LYVE1: variants seen among roughly 807,000 people sequenced by gnomAD.
LYVE1 encodes lymphatic vessel endothelial hyaluronan receptor 1, also known as lymphatic vessel endothelial hyaluronic acid receptor 1.
Under a neutral mutation model 31.5 loss-of-function variants are expected in LYVE1, and 29 were observed. The observed-to-expected ratio is 0.92, with a 90% confidence interval of 0.69 to 1.26. The LOEUF is 1.26. LYVE1 is among the 50% of genes most tolerant of loss of function. The pLI is 0.00. For missense variants in LYVE1, 376 were observed against 380.2 expected, an observed-to-expected ratio of 0.99 and a Z score of 0.09; for synonymous variants, 134 against 139.4, an observed-to-expected ratio of 0.96 and a Z score of 0.27.
chr11:10,563,693 GT>G (rs1360278439), intron 3 of LYVE1, among the ~76,000 whole-genome samples: 1 of 152,108 alleles, frequency 6.6e-6, no homozygotes, highest in African/African-American at 2.4e-5. Flanking sequence ...TGCAGGGATG[GT>G]GGCAGTGGTA....
chr11:10,557,476 C>T lies in LYVE1; in HGVS notation c.*1635G>A, dbSNP rs948875058. The T allele has an allele frequency of 2.6e-5, 4 of 152,150 alleles. No homozygotes were observed. The highest frequency in any genetic ancestry group is 7.2e-5 in the African/African-American group (3 of 41,436). 9.4% of individuals were successfully genotyped at this position (152,150 alleles called of 1,614,324 possible). A position where few individuals can be genotyped will look rare whatever the true frequency, so the allele number is the denominator to read the frequency against. Reference sequence around the variant, plus strand: ...GTTGTGGCATCTGGGCCGAAGGAACCACGGAGCTGTGGGGTCACTGGTGAG... The same window carrying T: ...GTTGTGGCATCTGGGCCGAAGGAACTACGGAGCTGTGGGGTCACTGGTGAG... On this transcript the variant is annotated 3_prime_UTR_variant, in exon 6 of 6. Transcript: ENST00000256178.
intron 1 of LYVE1, among the ~76,000 whole-genome samples, chr11:10,564,925 G>C (rs182122687): frequency 6.6e-6 from 1 of 152,290 alleles, no homozygotes; most frequent in African/African-American, 2.4e-5. Context: ...TCCTGGAGGA[G>C]CTGGCAGTAA....
At chr11:10,568,388 A>G in intron 1 of LYVE1, 60 bp downstream of exon 1, 1 of 1,544,314 alleles carries the variant, frequency 6.5e-7, no homozygotes, top group Non-Finnish European at 8.9e-7. Flanking sequence ...CATAGTCAAC[A>G]GCTTAGGAGG....
chr11:10,561,134 A>G (rs1405694854), intron 3 of LYVE1, among the ~76,000 whole-genome samples: 1 of 152,144 alleles, frequency 6.6e-6, no homozygotes, highest in African/African-American at 2.4e-5. Context: ...ATTCACCTTT[A>G]TGACTCTTTG....
intron 3 of LYVE1, among the ~76,000 whole-genome samples, chr11:10,563,134 T>C (rs1040054230): frequency 1.3e-5 from 2 of 151,996 alleles, no homozygotes; most frequent in Non-Finnish European, 2.9e-5. Flanking sequence ...TTTGTATTTT[T>C]AGTAGAGACG....
chr11:10,563,877 A>G, intron 3 of LYVE1, 63 bp downstream of exon 3: 1 of 1,595,112 alleles, frequency 6.3e-7, no homozygotes, highest in East Asian at 2.2e-5. Flanking sequence ...CTCTTCCCAG[A>G]CAGGTCTCAG....
At chr11:10,559,680 T>C (rs1297094706) in intron 5 of LYVE1, 136 bp downstream of exon 5, 5 of 677,220 alleles carry the variant, frequency 7.4e-6, no homozygotes, top group South Asian at 2.0e-5. Flanking sequence ...GGGAAAGAGA[T>C]GAGATGAGGG....
rs147788904 is a variant in LYVE1 at position 10,564,026 on chromosome 11, G to A, written c.311C>T (p.Pro104Leu). 918 of 1,614,152 alleles carry A rather than the reference G, an allele frequency of 5.7e-4. 8 individuals are homozygous for A. The highest frequency in any genetic ancestry group is 1.7e-4 in the Non-Finnish European group (206 of 1,180,030). Residue 104 changes from proline to leucine, a missense_variant, in exon 3 of 6, where the codon CCC becomes CTC. By Grantham distance (98) the Pro-to-Leu change is moderately conservative. Coordinates refer to ENST00000256178, the MANE Select transcript of LYVE1 (RefSeq NM_006691.4). ...ACCCACCCCATTTTTCCCACACTTG[G>A]GGTTTGGGCTAATCCTAGAGATGAC... Reference protein sequence around the residue: ...FVVISRISPNPKCGKNGVGVL... With the variant: ...FVVISRISPNLKCGKNGVGVL...
At chr11:10,562,254 A>G (rs1394500604) in intron 3 of LYVE1, among the ~76,000 whole-genome samples, 1 of 152,220 alleles carries the variant, frequency 6.6e-6, no homozygotes, top group Non-Finnish European at 1.5e-5. Flanking sequence ...GAGGCAGAGA[A>G]GGGAAGGAAG....
At chr11:10,559,463 T>C (rs1225490023) in intron 5 of LYVE1, among the ~76,000 whole-genome samples, 166 bp from the exon 6 acceptor site, 1 of 152,206 alleles carries the variant, frequency 6.6e-6, no homozygotes, top group Non-Finnish European at 1.5e-5. Context: ...CCTTAATGGA[T>C]TCATTTAAAT....
rs140605904 is a variant in LYVE1 at position 10,559,852 on chromosome 11, C to T, written c.746G>A (p.Gly249Asp). 20 of 1,613,784 alleles carry T rather than the reference C, an allele frequency of 1.2e-5. No homozygotes were observed. The Admixed American group carries it at 1.7e-4, about 13-fold the overall frequency. Residue 249 changes from glycine to aspartate, a missense_variant, in exon 5 of 6, where the codon GGT (glycine) becomes GAT (aspartate). Physicochemically the swap from Gly to Asp is moderately conservative, Grantham distance 94. Coordinates refer to ENST00000256178, the MANE Select transcript of LYVE1 (RefSeq NM_006691.4). Reference protein sequence around the residue: ...ALLVLALLFFGAAAGLGFCYV... With the variant: ...ALLVLALLFFDAAAGLGFCYV... ...GCAAAATCCAAGACCAGCTGCAGCACCAAAGAAGAGGAGAGCAAGCACTAG... is the reference window on the plus strand; with the variant it reads ...GCAAAATCCAAGACCAGCTGCAGCATCAAAGAAGAGGAGAGCAAGCACTAG...
chr11:10,561,952 C>G lies in LYVE1; in HGVS notation c.398-1152G>C, dbSNP rs115213536. Among the ~76,000 whole-genome samples the G allele has an allele frequency of 7.1e-3, 1,081 of 152,012 alleles. 13 individuals carry two copies. Among genetic ancestry groups the G allele is most frequent in the African/African-American group, 0.025 (1,042 of 41,448 alleles). Reference sequence around the variant, plus strand: ...ACCTGCACATTTTGCACGTGTATCCCAGAACTTAAAGTATAATAAAAATAA... The same window carrying G: ...ACCTGCACATTTTGCACGTGTATCCGAGAACTTAAAGTATAATAAAAATAA... On this transcript the variant is annotated intron_variant, in intron 3 of 5. Transcript: ENST00000256178.
rs1850358115 is a variant in LYVE1 at position 10,558,716 on chromosome 11, GC to G, written c.*394del. On this transcript the variant is annotated 3_prime_UTR_variant, in exon 6 of 6. Coordinates refer to ENST00000256178, the MANE Select transcript of LYVE1 (RefSeq NM_006691.4). The stretch of plus-strand genomic sequence containing the variant: ...CTGAGCTGCGGAATCAGTAGAGAAA[GC>G]CTTGGTCTCAGTGACTCCTTGGCTT... 6.0e-6 allele frequency: 1 copy of G among 165,682 alleles called. No homozygotes were observed. The highest frequency in any genetic ancestry group is 2.0e-4 in the South Asian group (1 of 5,092). The allele number at this position is 165,682 out of a possible 1,614,324, so 10.3% of individuals were successfully genotyped here.
At chr11:10,564,164 A>G (rs1564878878) in intron 2 of LYVE1, 39 bp downstream of exon 2, 1 of 1,614,020 alleles carries the variant, frequency 6.2e-7, no homozygotes, top group Non-Finnish European at 8.5e-7. Context: ...GAGCTAAAAA[A>G]GAACTCCAGC....
intron 5 of LYVE1, 98 bp from the exon 6 acceptor site, chr11:10,559,395 A>G: frequency 3.6e-6 from 3 of 830,098 alleles, no homozygotes; most frequent in South Asian, 3.5e-5. Flanking sequence ...TACACTGGAT[A>G]CCTTTATTTC....
At chr11:10,566,170 C>T (rs928211687) in intron 1 of LYVE1, among the ~76,000 whole-genome samples, 10 of 151,816 alleles carry the variant, frequency 6.6e-5, no homozygotes, top group African/African-American at 2.4e-4. Context: ...AGTGCAGTGG[C>T]GTGATCCATG....
intron 1 of LYVE1, 111 bp from the exon 2 acceptor site, chr11:10,564,485 C>A: frequency 2.1e-6 from 2 of 970,138 alleles, no homozygotes; most frequent in Non-Finnish European, 3.1e-6. Context: ...GTCTATCTGG[C>A]TGGGACTGGG....
chr11:10,568,506 CA>C lies in LYVE1; in HGVS notation c.26del (p.Leu9CysfsTer36), dbSNP rs1485825280. ...TCGTGGTCCAGATGGAAGTGAGAAGCAACACCAGGCTGAAGCACCTGGCCAT... is the reference window on the plus strand; with the variant it reads ...TCGTGGTCCAGATGGAAGTGAGAAGCACACCAGGCTGAAGCACCTGGCCAT... MARCFSLV[L>X]LLTSIWTTRL... On this transcript the variant is annotated frameshift_variant, in exon 1 of 6. Transcript: ENST00000256178. LOFTEE classifies it high-confidence loss of function. 2.5e-6 allele frequency: 4 copies of C among 1,613,980 alleles called. No individual in the cohort carries two copies.
intron 3 of LYVE1, among the ~76,000 whole-genome samples, chr11:10,563,454 G>C (rs111732884): frequency 0.023 from 3,499 of 152,216 alleles, 121 homozygotes; most frequent in African/African-American, 0.08. Context: ...ATTATAAGTA[G>C]TTTAGAGATG....
Sources: gnomAD v4.1 joint callset for allele counts (sites outside exome capture counted in the v4.1 genomes callset) on GRCh38, gnomAD v4.1.1 for gene constraint, MANE v1.5 for transcripts, NCBI Gene and HGNC (gene_info 2026-07-23, HGNC 2026-07-21) for gene names.